Variants in ARHGEF18 observed in about 807,000 individuals in gnomAD.
The protein encoded by ARHGEF18 is rho guanine nucleotide exchange factor 18.
In ARHGEF18, 93 loss-of-function variants were observed where a neutral mutation model predicts 155.7. That is an observed-to-expected ratio of 0.60 (90% CI 0.50 to 0.71). The LOEUF (loss-of-function observed/expected upper bound fraction) is 0.71, where lower values mean the gene tolerates loss of function less well. Among genes scored for constraint, ARHGEF18 ranks in the 30% least tolerant of loss-of-function variants. The probability of loss-of-function intolerance (pLI) is 0.00; values close to 1 mark genes in which losing one functional copy is unlikely to be tolerated. For missense variants in ARHGEF18, 1,593 were observed against 1,816.1 expected (o/e 0.88, Z 2.23); for synonymous variants, 742 against 753.1 (o/e 0.99, Z 0.24).
chr19:7,440,549 T>C lies in ARHGEF18; in HGVS notation c.1106+67T>C. The C allele has an allele frequency of 6.6e-7, 1 of 1,520,284 alleles. No homozygotes were observed. Among genetic ancestry groups the C allele is most frequent in the Non-Finnish European group, 8.8e-7 (1 of 1,135,474 alleles). 94.2% of individuals were successfully genotyped at this position (1,520,284 alleles called of 1,614,324 possible). On this transcript the variant is annotated intron_variant, in intron 11 of 28. Transcript: ENST00000668164. The surrounding 1 kb of genome is among the most constrained non-coding windows in gnomAD (Gnocchi z 5.4). ...ATTCCCCGGGGAGCTGTTGACAGCC[T>C]CTTCGGAGGGAGACCCCGACTTAGA...
intron 2 of ARHGEF18, among the ~76,000 whole-genome samples, chr19:7,367,484 C>A (rs922113457): frequency 6.6e-6 from 1 of 151,818 alleles, no homozygotes; most frequent in Admixed American, 6.6e-5. Context: ...TGGTGACTCA[C>A]GCCTGTAATC....
intron 8 of ARHGEF18, 71 bp from the exon 9 acceptor site, chr19:7,382,720 TG>T: frequency 8.8e-7 from 1 of 1,140,972 alleles, no homozygotes; most frequent in Non-Finnish European, 1.1e-6. Context: ...GGTGGATTCC[TG>T]AAGCAACCCA....
rs1017872111 is a variant in ARHGEF18 at position 7,463,774 on chromosome 19, CT to C, written c.2636-42del. The C allele has an allele frequency of 2.3e-5, 36 of 1,560,850 alleles. No individual in the cohort carries two copies. Among genetic ancestry groups the C allele is most frequent in the Non-Finnish European group, 2.8e-5 (32 of 1,152,008 alleles). ...CAGCGCTCCGTATTCCCCCAGCACA[CT>C]TCCGCAGGGCGACCCGTGCCTCCTG... On this transcript the variant is annotated intron_variant, in intron 21 of 28. Transcript: ENST00000668164. The surrounding 1 kb of genome is among the most constrained non-coding windows in gnomAD (Gnocchi z 5.2).
Position 7,464,673 on chromosome 19 carries a change from G to C in ARHGEF18, c.2887G>C (p.Glu963Gln), listed in dbSNP as rs745688624. The C allele has an allele frequency of 6.2e-7, 1 of 1,614,040 alleles. No individual in the cohort carries two copies. The highest frequency in any genetic ancestry group is 1.1e-5 in the South Asian group (1 of 91,080). The change falls in exon 23 of 29, where the codon GAG becomes CAG. Residue 963 changes from glutamate to glutamine, a missense_variant. Physicochemically the swap from Glu to Gln is conservative, Grantham distance 29. Transcript: ENST00000668164. Reference protein sequence around the residue: ...LSDSDIPGSSEESPQVVEAPG... With the variant: ...LSDSDIPGSSQESPQVVEAPG... ...TGACAGTGACATTCCTGGGAGCTCT[G>C]AGGAATCGCCGCAGGTGGTACGTGG...
chr19:7,409,407 T>G (rs1972534682), intron 10 of ARHGEF18, among the ~76,000 whole-genome samples: 1 of 147,226 alleles, frequency 6.8e-6, no homozygotes, highest in African/African-American at 2.5e-5. Context: ...GAGTTTGGAT[T>G]AGATTGGAAA....
rs1460286373 is a variant in ARHGEF18 at position 7,467,693 on chromosome 19, G to A, written c.3480+9G>A. ...CCGACACACTGGCCGAGGTGAGCGC[G>A]CAGCAGCCAGTGTGCGCAGGTTGGG... is the stretch of plus-strand genomic sequence containing the variant. On this transcript the variant is annotated intron_variant, in intron 26 of 28. Transcript: ENST00000668164. 4.1e-6 allele frequency: 6 copies of A among 1,475,138 alleles called. No homozygotes were observed. Among genetic ancestry groups the A allele is most frequent in the African/African-American group, 2.9e-5 (2 of 68,658 alleles). The allele number at this position is 1,475,138 out of a possible 1,614,324, so 91.4% of individuals were successfully genotyped here.
At chr19:7,406,160 A>G (rs1012900287) in intron 10 of ARHGEF18, among the ~76,000 whole-genome samples, 3 of 152,026 alleles carry the variant, frequency 2.0e-5, no homozygotes, top group Non-Finnish European at 4.4e-5. Flanking sequence ...GGCTCACTGC[A>G]ACCTCCACCA....
At chr19:7,385,443 CATTATTATT>C (rs142755963) in intron 10 of ARHGEF18, among the ~76,000 whole-genome samples, 3,993 of 136,660 alleles carry the variant, frequency 0.029, 74 homozygotes, top group African/African-American at 0.053. Context: ...CTGGGAACTT[CATTATTATT>C]ATTATTATTA....
intron 10 of ARHGEF18, among the ~76,000 whole-genome samples, chr19:7,415,659 C>G (rs1434947444): frequency 6.6e-6 from 1 of 151,834 alleles, no homozygotes; most frequent in African/African-American, 2.4e-5. Flanking sequence ...GACGTCCTCT[C>G]CCTCCCTCCC....
In ARHGEF18 at chr19:7,444,093, C is replaced by A; in HGVS notation, c.1361-111C>A. ...GATCCCAAAGGCACAAGGTCTTAGG[C>A]AGAGAACTCTCAGAAGCCAGTTCAG... On this transcript the variant is annotated intron_variant, in intron 13 of 28. Transcript: ENST00000668164. The surrounding 1 kb of genome is among the most constrained non-coding windows in gnomAD (Gnocchi z 4.7). The A allele has an allele frequency of 1.4e-6, 2 of 1,405,330 alleles. No individual in the cohort carries two copies. The highest frequency in any genetic ancestry group is 2.0e-6 in the Non-Finnish European group (2 of 1,025,324). The allele number at this position is 1,405,330 out of a possible 1,614,324, so 87.1% of individuals were successfully genotyped here.
chr19:7,401,795 T>C (rs748294370), intron 10 of ARHGEF18, among the ~76,000 whole-genome samples: 14 of 152,202 alleles, frequency 9.2e-5, no homozygotes, highest in Non-Finnish European at 2.1e-4. Flanking sequence ...CATAGTAGCA[T>C]TATTCCAAGT....
At chr19:7,379,253 C>A in intron 7 of ARHGEF18, 87 bp downstream of exon 7, 1 of 1,155,534 alleles carries the variant, frequency 8.7e-7, no homozygotes, top group Non-Finnish European at 1.1e-6. Flanking sequence ...GTGTAGGAGA[C>A]AGGGGTAGAG....
downstream of ARHGEF18, chr19:7,473,419 T>C (rs993587069): frequency 5.0e-6 from 2 of 397,980 alleles, no homozygotes; most frequent in South Asian, 1.8e-5. Flanking sequence ...TCCCAGCATT[T>C]TGGGGAGGCG....
chr19:7,356,602 A>G (rs1969317644), intron 1 of ARHGEF18, among the ~76,000 whole-genome samples: 1 of 152,088 alleles, frequency 6.6e-6, no homozygotes, highest in Non-Finnish European at 1.5e-5. Context: ...AATGCTCAAG[A>G]GTTTAGCCCT....
rs1162785169 is a variant in ARHGEF18 at position 7,451,282 on chromosome 19, A to G, written c.1855+16A>G. The G allele has an allele frequency of 4.4e-6, 7 of 1,609,164 alleles. No homozygotes were observed. The highest frequency in any genetic ancestry group is 5.1e-6 in the Non-Finnish European group (6 of 1,177,128). ...AACACGGAAGGTAGGCCTTCTCCCC[A>G]CTGCCCCGCCCGCCCGTGCTGCTGC... On this transcript the variant is annotated intron_variant, in intron 16 of 28. Coordinates refer to ENST00000668164, the MANE Select transcript of ARHGEF18 (RefSeq NM_001367823.1).
At chr19:7,378,953 A>C (rs1006289252) in intron 6 of ARHGEF18, among the ~76,000 whole-genome samples, 169 bp from the exon 7 acceptor site, 6 of 151,830 alleles carry the variant, frequency 4.0e-5, no homozygotes, top group African/African-American at 7.3e-5. Context: ...TTGGCCTCCC[A>C]AAGTACTGGG....
chr19:7,416,760 G>A (rs370485075), intron 10 of ARHGEF18, among the ~76,000 whole-genome samples: 12 of 143,128 alleles, frequency 8.4e-5, no homozygotes, highest in African/African-American at 3.1e-4. Context: ...CCGCCACCAC[G>A]CCCAGCTAAT....
chr19:7,470,316 G>A lies in ARHGEF18; in HGVS notation c.*18G>A. On this transcript the variant is annotated 3_prime_UTR_variant, in exon 29 of 29. Transcript: ENST00000668164. The surrounding 1 kb of genome is among the most constrained non-coding windows in gnomAD (Gnocchi z 5.9). ...TCTTCTAAAAGGGCCGTGACTCAAG[G>A]TGCAAGGCCCCTCCCTGCCCTGCCC... 2.0e-6 allele frequency: 3 copies of A among 1,488,832 alleles called. No homozygotes were observed. The highest frequency in any genetic ancestry group is 1.4e-5 in the African/African-American group (1 of 70,168). The allele number at this position is 1,488,832 out of a possible 1,614,324, so 92.2% of individuals were successfully genotyped here.
At chr19:7,477,556 G>A in the ARHGEF18 span, 1 of 835,868 alleles carries the variant, frequency 1.2e-6, no homozygotes, top group South Asian at 2.3e-5. Context: ...GGAGGAGCTG[G>A]CAGGACTGAG....
Sources: allele counts gnomAD v4.1 joint callset (sites outside exome capture counted in the v4.1 genomes callset), GRCh38; gene constraint gnomAD v4.1.1; non-coding constraint Gnocchi (gnomAD v3.1); transcripts MANE v1.5; gene names NCBI Gene and HGNC (gene_info 2026-07-23, HGNC 2026-07-21).